The following ANGPT1 variants were observed in gnomAD, a reference collection of about 807,000 sequenced individuals.
ANGPT1 encodes angiopoietin 1.
In ANGPT1, 17 loss-of-function variants were observed where a neutral mutation model predicts 62.2. That is an observed-to-expected ratio of 0.27 (90% CI 0.19 to 0.41). The LOEUF is 0.41. ANGPT1 is among the 10% of genes least tolerant of loss of function. The probability of loss-of-function intolerance (pLI) is 1.00; values close to 1 mark genes in which losing one functional copy is unlikely to be tolerated. For synonymous variants in ANGPT1, 199 were observed against 198.9 expected (o/e 1.00, Z 0.00); for missense variants, 478 against 594.9 (o/e 0.80, Z 2.04).
In ANGPT1 at chr8:107,249,680, C is replaced by T. The variant is rs561987145; in HGVS notation, c.*2175G>A. The T allele has an allele frequency of 5.3e-5, 8 of 152,058 alleles. No individual in the cohort carries two copies. Among genetic ancestry groups the T allele is most frequent in the Non-Finnish European group, 8.8e-5 (6 of 67,996 alleles). 9.4% of individuals were successfully genotyped at this position (152,058 alleles called of 1,614,324 possible). A position where few individuals can be genotyped will look rare whatever the true frequency, so the allele number is the denominator to read the frequency against. On this transcript the variant is annotated 3_prime_UTR_variant, in exon 9 of 9. Transcript: ENST00000517746. ...CATAATACACATAACAATCATAAAA[C>T]ATTTTATACTGATTTATTATAAATA...
chr8:107,428,972 C>A (rs938460802), intron 1 of ANGPT1, among the ~76,000 whole-genome samples: 8 of 152,128 alleles, frequency 5.3e-5, no homozygotes, highest in African/African-American at 1.9e-4. Flanking sequence ...ACACTAGGAA[C>A]AATTCTTTTG....
intron 3 of ANGPT1, among the ~76,000 whole-genome samples, chr8:107,329,014 A>G (rs184448864): frequency 6.6e-6 from 1 of 152,148 alleles, no homozygotes; most frequent in East Asian, 1.9e-4. Flanking sequence ...GTTTATGGTT[A>G]TATGTGTAAT....
chr8:107,442,304 C>T (rs1811501485), intron 1 of ANGPT1, among the ~76,000 whole-genome samples: 1 of 152,140 alleles, frequency 6.6e-6, no homozygotes. Context: ...GAAAAGAATA[C>T]ATTTGGGCAA....
chr8:107,313,843 T>C (rs942263668), intron 4 of ANGPT1, among the ~76,000 whole-genome samples: 3 of 152,208 alleles, frequency 2.0e-5, no homozygotes, highest in Admixed American at 6.5e-5. Flanking sequence ...AAGTGTACAG[T>C]TGCAACATTC....
intron 8 of ANGPT1, among the ~76,000 whole-genome samples, chr8:107,257,785 G>A (rs1813391748): frequency 6.6e-6 from 1 of 152,010 alleles, no homozygotes; most frequent in South Asian, 2.1e-4. Context: ...AGCTGCATGG[G>A]TCTTGCATGC....
At chr8:107,480,621 C>T (rs1812652396) in intron 1 of ANGPT1, among the ~76,000 whole-genome samples, 2 of 152,164 alleles carry the variant, frequency 1.3e-5, no homozygotes, top group South Asian at 4.1e-4. Flanking sequence ...ACAGCATGAA[C>T]AATAGCCAAC....
intron 2 of ANGPT1, among the ~76,000 whole-genome samples, chr8:107,338,865 A>T (rs1181535948): frequency 1.3e-5 from 2 of 152,238 alleles, no homozygotes; most frequent in East Asian, 3.8e-4. Context: ...GACATTTAGA[A>T]CAAAGCTTGG....
chr8:107,291,322 T>A (rs1348410002), intron 6 of ANGPT1, among the ~76,000 whole-genome samples: 3 of 152,202 alleles, frequency 2.0e-5, no homozygotes, highest in Non-Finnish European at 4.4e-5. Flanking sequence ...CATTGTCCTA[T>A]TTTAACTAGT....
chr8:107,334,024 AGGAAGGAAGGAAGGAT>A (rs1198663632), intron 3 of ANGPT1, among the ~76,000 whole-genome samples: 9 of 150,098 alleles, frequency 6.0e-5, no homozygotes, highest in South Asian at 2.1e-4. Context: ...GAAGGAAGGA[AGGAAGGAAGGAAGGAT>A]GGATAAATAT....
chr8:107,415,746 T>C (rs1244561477), intron 1 of ANGPT1, among the ~76,000 whole-genome samples: 5 of 152,194 alleles, frequency 3.3e-5, no homozygotes, highest in Admixed American at 6.5e-5. Context: ...TCTGCTCGCA[T>C]GTTATGTGGC....
chr8:107,306,752 T>C (rs1814727584), intron 4 of ANGPT1, among the ~76,000 whole-genome samples: 1 of 151,894 alleles, frequency 6.6e-6, no homozygotes, highest in Admixed American at 6.6e-5. Context: ...ATAGATACAA[T>C]AGACTTGATG....
intron 1 of ANGPT1, among the ~76,000 whole-genome samples, chr8:107,423,214 C>T (rs1480155863): frequency 1.3e-5 from 2 of 152,174 alleles, no homozygotes; most frequent in African/African-American, 2.4e-5. Context: ...TTCTCTTCCC[C>T]CCTACTTAGA....
At chr8:107,316,025 T>G (rs1815005868) in intron 4 of ANGPT1, among the ~76,000 whole-genome samples, 1 of 152,198 alleles carries the variant, frequency 6.6e-6, no homozygotes, top group African/African-American at 2.4e-5. Context: ...ATTTTTTCCC[T>G]TCCAATCTAT....
intron 1 of ANGPT1, among the ~76,000 whole-genome samples, chr8:107,434,721 T>C (rs1433187): frequency 5.3e-5 from 8 of 151,982 alleles, no homozygotes; most frequent in Non-Finnish European, 1.0e-4. Flanking sequence ...GAAAAGACTG[T>C]CTCATGGCTT....
intron 5 of ANGPT1, among the ~76,000 whole-genome samples, chr8:107,296,724 CCT>C (rs1814425558): frequency 6.6e-6 from 1 of 151,944 alleles, no homozygotes. Flanking sequence ...TTTATCGTGC[CCT>C]GACTTGTTAA....
intron 1 of ANGPT1, among the ~76,000 whole-genome samples, chr8:107,393,036 A>C (rs1816865354): frequency 6.6e-6 from 1 of 152,154 alleles, no homozygotes; most frequent in African/African-American, 2.4e-5. Flanking sequence ...AATGGGTAAT[A>C]GTGACTATTT....
At chr8:107,390,566 T>G (rs533410080) in intron 1 of ANGPT1, among the ~76,000 whole-genome samples, 1 of 152,288 alleles carries the variant, frequency 6.6e-6, no homozygotes, top group East Asian at 1.9e-4. Context: ...CTCTGTAGTT[T>G]CAAGAGGATC....
Position 107,375,950 on chromosome 8 carries a change from T to C in ANGPT1, c.298-28853A>G, listed in dbSNP as rs1223846728. On this transcript the variant is annotated intron_variant, in intron 1 of 8. Coordinates refer to ENST00000517746, the MANE Select transcript of ANGPT1 (RefSeq NM_001146.5). ...ATGACCCAATTGGATTTGTATATTT[T>C]ACTATTCTTGAGATTGAACCAGGAA... 3.3e-5 allele frequency among the ~76,000 whole-genome samples: 5 copies of C among 152,320 alleles called. No individual in the cohort carries two copies. The East Asian group carries it at 9.7e-4, about 29-fold the overall frequency.
chr8:107,284,660 A>G, intron 7 of ANGPT1, 22 bp downstream of exon 7: 1 of 1,474,784 alleles, frequency 6.8e-7, no homozygotes. Context: ...GTAGTCGAAC[A>G]CTACACTGTA....
Sources: allele counts gnomAD v4.1 joint callset (sites outside exome capture counted in the v4.1 genomes callset), GRCh38; gene constraint gnomAD v4.1.1; transcripts MANE v1.5; gene names NCBI Gene and HGNC (gene_info 2026-07-23, HGNC 2026-07-21).